GMEB1: variants seen among roughly 807,000 people sequenced by gnomAD.
The protein encoded by GMEB1 is glucocorticoid modulatory element binding protein 1.
Under a neutral mutation model 52.4 loss-of-function variants are expected in GMEB1, and 6 were observed. That is an observed-to-expected ratio of 0.11 (90% CI 0.06 to 0.23). The LOEUF (loss-of-function observed/expected upper bound fraction) is 0.23, where lower values mean the gene tolerates loss of function less well. Among genes scored for constraint, GMEB1 ranks in the 10% least tolerant of loss-of-function variants. GMEB1 has a pLI of 1.00. For synonymous variants in GMEB1, 255 were observed against 244.9 expected, an observed-to-expected ratio of 1.04 and a Z score of -0.38; for missense variants, 486 against 685.6, an observed-to-expected ratio of 0.71 and a Z score of 3.25.
intron 8 of GMEB1, among the ~76,000 whole-genome samples, chr1:28,710,074 G>A (rs1312936064): frequency 6.6e-6 from 1 of 152,138 alleles, no homozygotes; most frequent in Non-Finnish European, 1.5e-5. Flanking sequence ...GTGAACCCGG[G>A]AGGTGGAGGT....
At chr1:28,677,571 T>C (rs938934989) in intron 1 of GMEB1, among the ~76,000 whole-genome samples, 2 of 152,226 alleles carry the variant, frequency 1.3e-5, no homozygotes, top group African/African-American at 2.4e-5. Context: ...CTTGCCAAAG[T>C]ATTACATCTT....
At chr1:28,683,431 G>T in intron 1 of GMEB1, 152 bp from the exon 2 acceptor site, 1 of 552,544 alleles carries the variant, frequency 1.8e-6, no homozygotes, top group Non-Finnish European at 3.2e-6. Flanking sequence ...CTCCATGTTG[G>T]TCAGGCTGGT....
In GMEB1 at chr1:28,680,735, T is replaced by TA. The variant is rs1191971147; in HGVS notation, c.-30-2836dup. 5.0e-3 allele frequency among the ~76,000 whole-genome samples: 676 copies of TA among 136,556 alleles called. 7 individuals carry two copies. Among genetic ancestry groups the TA allele is most frequent in the African/African-American group, 0.015 (553 of 36,896 alleles). 89.6% of individuals were successfully genotyped at this position (136,556 alleles called of 152,430 possible). A position where few individuals can be genotyped will look rare whatever the true frequency, so the allele number is the denominator to read the frequency against. ...GGGGAACACAGCAAGACTCCATCTT[T>TA]AAAAAAAAAAAAGAAAAGCAATCCT... On this transcript the variant is annotated intron_variant, in intron 1 of 9. Transcript: ENST00000373816.
chr1:28,671,587 A>G (rs906968513), intron 1 of GMEB1, among the ~76,000 whole-genome samples: 5 of 151,956 alleles, frequency 3.3e-5, no homozygotes, highest in African/African-American at 1.2e-4. Context: ...AAAAAATGAC[A>G]AAAATTAGAT....
chr1:28,693,372 C>G (rs953656752), intron 5 of GMEB1, among the ~76,000 whole-genome samples: 2 of 151,230 alleles, frequency 1.3e-5, no homozygotes, highest in African/African-American at 4.9e-5. Flanking sequence ...TGCCCACCAC[C>G]ACGCCCAGCT....
chr1:28,684,151 A>C (rs1168415956), intron 2 of GMEB1, among the ~76,000 whole-genome samples: 2 of 152,142 alleles, frequency 1.3e-5, no homozygotes, highest in Non-Finnish European at 2.9e-5. Context: ...ATATAGGCAC[A>C]TACCACTGCA....
At chr1:28,698,492 G>A (rs1387137051) in intron 6 of GMEB1, among the ~76,000 whole-genome samples, 3 of 150,694 alleles carry the variant, frequency 2.0e-5, no homozygotes, top group Non-Finnish European at 4.4e-5. Context: ...TGGTTAACAC[G>A]GTGGAACCCT....
chr1:28,669,056 C>T (rs1570366711), intron 1 of GMEB1, among the ~76,000 whole-genome samples: 2 of 145,980 alleles, frequency 1.4e-5, no homozygotes, highest in African/African-American at 2.5e-5. Context: ...GGGACGCTGC[C>T]GCTGGGTCCG....
intron 1 of GMEB1, among the ~76,000 whole-genome samples, chr1:28,670,406 C>G (rs1435188461): frequency 6.6e-6 from 1 of 152,178 alleles, no homozygotes; most frequent in Non-Finnish European, 1.5e-5. Flanking sequence ...CAGCTCACTG[C>G]AACCTCCGCC....
intron 1 of GMEB1, among the ~76,000 whole-genome samples, chr1:28,672,745 T>TG (rs1486025893): frequency 4.0e-5 from 6 of 149,100 alleles, no homozygotes; most frequent in Non-Finnish European, 7.4e-5. Flanking sequence ...CCTTTTTTTT[T>TG]TTTTTTTTTT....
At chr1:28,700,923 G>A (rs1670475276) in intron 6 of GMEB1, among the ~76,000 whole-genome samples, 2 of 152,044 alleles carry the variant, frequency 1.3e-5, no homozygotes, top group African/African-American at 2.4e-5. Flanking sequence ...CTTTTATGCA[G>A]CTTTTTTTTT....
At chr1:28,699,518 C>G (rs1218936613) in intron 6 of GMEB1, among the ~76,000 whole-genome samples, 3 of 151,982 alleles carry the variant, frequency 2.0e-5, no homozygotes, top group Non-Finnish European at 4.4e-5. Flanking sequence ...CAACCTCCCC[C>G]TCCCGGGTTC....
At position 28,708,289 on chromosome 1, in the gene GMEB1, C is replaced by T. The variant is rs543247173; in HGVS notation, c.869-2231C>T. Among the ~76,000 whole-genome samples, 8 of 152,048 alleles carry T rather than the reference C, an allele frequency of 5.3e-5. No individual in the cohort carries two copies. The South Asian group carries it at 8.3e-4, about 16-fold the overall frequency. On this transcript the variant is annotated intron_variant, in intron 8 of 9. Transcript: ENST00000373816. Reference sequence around the variant, plus strand: ...ACACCATTCTCCTGCCTCAGCCTCCCGAGTAGCTGGTACTACAGGTGCCTG... The same window carrying T: ...ACACCATTCTCCTGCCTCAGCCTCCTGAGTAGCTGGTACTACAGGTGCCTG...
chr1:28,689,198 G>A (rs919139953), intron 2 of GMEB1, among the ~76,000 whole-genome samples: 5 of 151,558 alleles, frequency 3.3e-5, no homozygotes, highest in African/African-American at 1.2e-4. Flanking sequence ...TAATTTTTTT[G>A]TATTTTTAGT....
chr1:28,681,562 C>A (rs1374579712), intron 1 of GMEB1, among the ~76,000 whole-genome samples: 1 of 152,066 alleles, frequency 6.6e-6, no homozygotes, highest in South Asian at 2.1e-4. Context: ...ACTTAAGATT[C>A]TTGGGGTATG....
chr1:28,701,857 G>A (rs1445755349), intron 6 of GMEB1, among the ~76,000 whole-genome samples: 3 of 152,160 alleles, frequency 2.0e-5, no homozygotes, highest in South Asian at 2.1e-4. Context: ...ACCACGCCCA[G>A]TCAAAATCTT....
At chr1:28,668,353 A>T (rs146810224), upstream of GMEB1, among the ~76,000 whole-genome samples, 556 of 152,106 alleles carry the variant, frequency 3.7e-3, 7 homozygotes, top group African/African-American at 0.013. Flanking sequence ...CCAGTTACTG[A>T]TCTATGCAGA....
upstream of GMEB1, chr1:28,668,605 G>A (rs1361264217): frequency 6.5e-6 from 1 of 152,744 alleles, no homozygotes; most frequent in Non-Finnish European, 1.5e-5. Flanking sequence ...TGATTTTCAA[G>A]GGCGAAAGAA....
At chr1:28,706,620 G>A (rs1348223943) in intron 8 of GMEB1, among the ~76,000 whole-genome samples, 2 of 149,558 alleles carry the variant, frequency 1.3e-5, no homozygotes, top group Non-Finnish European at 3.0e-5. Flanking sequence ...AAAAAAAATG[G>A]GATTATGATG....
Sources: allele counts gnomAD v4.1 joint callset (sites outside exome capture counted in the v4.1 genomes callset), GRCh38; gene constraint gnomAD v4.1.1; transcripts MANE v1.5; gene names NCBI Gene and HGNC (gene_info 2026-07-23, HGNC 2026-07-21).